Variants in ELAVL2 observed in about 807,000 individuals in gnomAD.
ELAVL2 encodes ELAV-like protein 2.
In ELAVL2, 4 loss-of-function variants were observed where a neutral mutation model predicts 34.6. The ratio of observed to expected loss-of-function variants is 0.12; its 90% CI spans 0.06 to 0.26. ELAVL2 has a LOEUF of 0.26. Among genes scored for constraint, ELAVL2 ranks in the 10% least tolerant of loss-of-function variants. The pLI is 1.00. For missense variants in ELAVL2, 432 were observed against 442.8 expected (o/e 0.98, Z 0.22); for synonymous variants, 193 against 154.8 (o/e 1.25, Z -1.83).
intron 1 of ELAVL2, among the ~76,000 whole-genome samples, chr9:23,784,741 G>A (rs1326534443): frequency 1.3e-5 from 2 of 152,164 alleles, no homozygotes; most frequent in African/African-American, 4.8e-5. Flanking sequence ...CAGAGGTGGG[G>A]CACAACCTGT....
chr9:23,802,073 A>G (rs2061631041), intron 1 of ELAVL2, among the ~76,000 whole-genome samples: 1 of 152,188 alleles, frequency 6.6e-6, no homozygotes, highest in Non-Finnish European at 1.5e-5. Context: ...AGAGGTTAAG[A>G]TTCTATACAC....
At chr9:23,745,652 A>C (rs1056465381) in intron 2 of ELAVL2, among the ~76,000 whole-genome samples, 1 of 152,200 alleles carries the variant, frequency 6.6e-6, no homozygotes, top group Non-Finnish European at 1.5e-5. Flanking sequence ...CTTATCCCAT[A>C]GGACACAGAA....
chr9:23,819,423 A>G (rs2064204917), intron 1 of ELAVL2, among the ~76,000 whole-genome samples: 1 of 152,182 alleles, frequency 6.6e-6, no homozygotes, highest in African/African-American at 2.4e-5. Context: ...ACCTTTTGAC[A>G]CTGAGTGTCA....
At chr9:23,795,185 G>A (rs1254166629) in intron 1 of ELAVL2, among the ~76,000 whole-genome samples, 2 of 152,076 alleles carry the variant, frequency 1.3e-5, no homozygotes, top group African/African-American at 4.8e-5. Context: ...AATTAAGTGG[G>A]TAGTTTGTTT....
At chr9:23,784,044 A>C (rs2136942829) in intron 1 of ELAVL2, among the ~76,000 whole-genome samples, 1 of 152,120 alleles carries the variant, frequency 6.6e-6, no homozygotes, top group South Asian at 2.1e-4. Context: ...AAAAATACAA[A>C]AAAATTAGCC....
chr9:23,767,743 A>G (rs1318979502), intron 1 of ELAVL2, among the ~76,000 whole-genome samples: 2 of 152,186 alleles, frequency 1.3e-5, no homozygotes, highest in East Asian at 3.9e-4. Context: ...ACTTCACTCC[A>G]TCCTGGGTGA....
intron 2 of ELAVL2, among the ~76,000 whole-genome samples, chr9:23,744,925 A>G (rs758303724): frequency 1.3e-5 from 2 of 152,084 alleles, no homozygotes; most frequent in East Asian, 3.9e-4. Context: ...AACCAAAAAA[A>G]CAGGCTGGGC....
At chr9:23,810,892 T>C (rs903437393) in intron 1 of ELAVL2, among the ~76,000 whole-genome samples, 1 of 152,154 alleles carries the variant, frequency 6.6e-6, no homozygotes, top group Non-Finnish European at 1.5e-5. Flanking sequence ...TTCACCATCT[T>C]CAATTGCCAA....
At chr9:23,713,317 A>C (rs575710145) in intron 3 of ELAVL2, among the ~76,000 whole-genome samples, 115 of 152,340 alleles carry the variant, frequency 7.5e-4, no homozygotes, top group Non-Finnish European at 1.3e-3. Flanking sequence ...AAAATAAAAC[A>C]ATTGAGCAAT....
At chr9:23,838,654 T>C in the ELAVL2 span, among the ~76,000 whole-genome samples, 2 of 152,204 alleles carry the variant, frequency 1.3e-5, no homozygotes, top group Admixed American at 6.5e-5. Context: ...ATCTGTATTA[T>C]GGCCAAGGAA....
intron 5 of ELAVL2, among the ~76,000 whole-genome samples, chr9:23,696,834 T>G (rs894582114): frequency 6.6e-6 from 1 of 152,074 alleles, no homozygotes; most frequent in Non-Finnish European, 1.5e-5. Context: ...GCTAGCTGCC[T>G]CCAGAATATC....
chr9:23,822,117 C>G (rs1421954077), intron 1 of ELAVL2, among the ~76,000 whole-genome samples: 4 of 152,110 alleles, frequency 2.6e-5, no homozygotes, highest in Non-Finnish European at 4.4e-5. Flanking sequence ...TTTGCAAATC[C>G]CGAGGCCCGG....
chr9:23,709,967 A>G (rs532386338), intron 3 of ELAVL2, among the ~76,000 whole-genome samples: 2 of 152,296 alleles, frequency 1.3e-5, no homozygotes, highest in African/African-American at 2.4e-5. Context: ...TACGAGTGAT[A>G]TAATAAACAA....
At chr9:23,825,077 G>A (rs886234377) in intron 1 of ELAVL2, among the ~76,000 whole-genome samples, 1 of 152,128 alleles carries the variant, frequency 6.6e-6, no homozygotes, top group African/African-American at 2.4e-5. Flanking sequence ...CTGAACAAAG[G>A]GAATCTCATA....
intron 3 of ELAVL2, among the ~76,000 whole-genome samples, chr9:23,730,651 C>A (rs1335999436): frequency 6.6e-6 from 1 of 152,100 alleles, no homozygotes; most frequent in Non-Finnish European, 1.5e-5. Context: ...GAAGTTGTGA[C>A]AGAATGCATG....
intron 3 of ELAVL2, among the ~76,000 whole-genome samples, chr9:23,718,388 A>T (rs1199912461): frequency 6.6e-6 from 1 of 152,186 alleles, no homozygotes; most frequent in Non-Finnish European, 1.5e-5. Context: ...GTATGTATAC[A>T]GGTATACATA....
intron 1 of ELAVL2, among the ~76,000 whole-genome samples, chr9:23,814,432 C>A (rs1267881651): frequency 6.6e-6 from 1 of 152,050 alleles, no homozygotes; most frequent in Non-Finnish European, 1.5e-5. Context: ...AGACGCATCC[C>A]AAAGAGGGGA....
chr9:23,797,220 G>T (rs71506784), intron 1 of ELAVL2, among the ~76,000 whole-genome samples: 2,430 of 152,228 alleles, frequency 0.016, 33 homozygotes, highest in Middle Eastern at 0.027. Flanking sequence ...AAGCCCAAAA[G>T]TGAACCTCTA....
At chr9:23,702,382 G>A (rs1287735984) in intron 4 of ELAVL2, among the ~76,000 whole-genome samples, 2 of 152,108 alleles carry the variant, frequency 1.3e-5, no homozygotes, top group African/African-American at 2.4e-5. Flanking sequence ...ATTCTCCCCA[G>A]TGTGAAAGAC....
Sources: gnomAD v4.1 joint callset for allele counts (sites outside exome capture counted in the v4.1 genomes callset) on GRCh38, gnomAD v4.1.1 for gene constraint, MANE v1.5 for transcripts, NCBI Gene and HGNC (gene_info 2026-07-23, HGNC 2026-07-21) for gene names.